SUCLG2: variants seen among roughly 807,000 people sequenced by gnomAD.
SUCLG2 encodes the protein succinate--CoA ligase [GDP-forming] subunit beta, mitochondrial.
SUCLG2 carries 42 observed loss-of-function variants against 47.9 expected under a neutral mutation model. The ratio of observed to expected loss-of-function variants is 0.88; its 90% CI spans 0.69 to 1.14. The LOEUF is 1.14. Ranked by LOEUF, SUCLG2 falls within the 50% of genes most tolerant of loss-of-function variation. The pLI is 0.00. For missense variants in SUCLG2, 571 were observed against 525.9 expected (o/e 1.09, Z -0.84); for synonymous variants, 195 against 197.3 (o/e 0.99, Z 0.10).
chr3:67,389,914 T>C (rs756814356), intron 10 of SUCLG2, among the ~76,000 whole-genome samples: 3 of 152,226 alleles, frequency 2.0e-5, no homozygotes, highest in Non-Finnish European at 4.4e-5. Flanking sequence ...ACACACACCA[T>C]TGTCTAGCTA....
At chr3:67,452,324 C>T (rs939830946) in intron 9 of SUCLG2, among the ~76,000 whole-genome samples, 2 of 152,048 alleles carry the variant, frequency 1.3e-5, no homozygotes, top group East Asian at 3.9e-4. Flanking sequence ...TTGTAAGTTT[C>T]AAGTATTTTC....
chr3:67,620,639 T>C (rs1293123620), intron 1 of SUCLG2, among the ~76,000 whole-genome samples: 3 of 147,584 alleles, frequency 2.0e-5, no homozygotes, highest in Non-Finnish European at 4.5e-5. Flanking sequence ...AGACACATGA[T>C]GAGCTGTGCA....
At chr3:67,467,219 A>G (rs1704495394) in intron 9 of SUCLG2, among the ~76,000 whole-genome samples, 1 of 152,200 alleles carries the variant, frequency 6.6e-6, no homozygotes, top group African/African-American at 2.4e-5. Flanking sequence ...CTAGATACAC[A>G]ATAACTATCC....
At chr3:67,515,113 T>C (rs1358222909) in intron 6 of SUCLG2, among the ~76,000 whole-genome samples, 1 of 152,182 alleles carries the variant, frequency 6.6e-6, no homozygotes, top group Non-Finnish European at 1.5e-5. Flanking sequence ...GTGAGTACAG[T>C]ACAATGAGGT....
At chr3:67,364,240 G>A (rs1701846129) in intron 10 of SUCLG2, among the ~76,000 whole-genome samples, 1 of 152,180 alleles carries the variant, frequency 6.6e-6, no homozygotes, top group Non-Finnish European at 1.5e-5. Flanking sequence ...TATTAGAAAG[G>A]CTGAGTAGAG....
At chr3:67,460,081 A>C (rs1303200205) in intron 9 of SUCLG2, among the ~76,000 whole-genome samples, 2 of 152,174 alleles carry the variant, frequency 1.3e-5, no homozygotes, top group Non-Finnish European at 2.9e-5. Flanking sequence ...CATAGAATTG[A>C]CATTTTGTTG....
At chr3:67,377,368 G>A (rs1702055875) in intron 10 of SUCLG2, among the ~76,000 whole-genome samples, 1 of 152,202 alleles carries the variant, frequency 6.6e-6, no homozygotes, top group South Asian at 2.1e-4. Context: ...TTTGTAAATG[G>A]TGCAGTATCT....
At chr3:67,463,544 T>C (rs1434924320) in intron 9 of SUCLG2, among the ~76,000 whole-genome samples, 2 of 152,238 alleles carry the variant, frequency 1.3e-5, no homozygotes, top group East Asian at 3.8e-4. Flanking sequence ...TATTTTGTTA[T>C]AAATGCTTAC....
chr3:67,629,794 A>T (rs1175385186), intron 1 of SUCLG2, among the ~76,000 whole-genome samples: 1 of 152,198 alleles, frequency 6.6e-6, no homozygotes, highest in Non-Finnish European at 1.5e-5. Context: ...GGAGCTTAAA[A>T]ATAACAAAAG....
chr3:67,508,609 G>A (rs1705703613), intron 7 of SUCLG2, among the ~76,000 whole-genome samples, 198 bp downstream of exon 7: 2 of 152,094 alleles, frequency 1.3e-5, no homozygotes, highest in African/African-American at 4.8e-5. Flanking sequence ...CTTCCTTAGA[G>A]GCTTGGCATT....
chr3:67,480,248 T>C lies in SUCLG2; in HGVS notation c.1062+15550A>G, dbSNP rs118108275. ...TAAAGGGAACCAGTTGGCTTACACC[T>C]GGGAAGGATGCTAAAGTAACTCACA... is the stretch of plus-strand genomic sequence containing the variant. On this transcript the variant is annotated intron_variant, in intron 9 of 10. Transcript: ENST00000307227. Among the ~76,000 whole-genome samples the C allele has an allele frequency of 1.3e-4, 20 of 152,282 alleles. No homozygotes were observed. In the East Asian group the frequency reaches 3.7e-3, roughly 28 times the overall value.
intron 1 of SUCLG2, among the ~76,000 whole-genome samples, chr3:67,616,308 A>G (rs1700627666): frequency 6.6e-6 from 1 of 152,204 alleles, no homozygotes. Context: ...ACATGGTAGC[A>G]CTAATTATTC....
At chr3:67,539,840 T>C (rs1265079052) in intron 2 of SUCLG2, among the ~76,000 whole-genome samples, 6 of 152,220 alleles carry the variant, frequency 3.9e-5, no homozygotes, top group Non-Finnish European at 2.9e-5. Context: ...TTCTAGTTTA[T>C]TTGCACAGAG....
chr3:67,620,177 T>C (rs931600335), intron 1 of SUCLG2, among the ~76,000 whole-genome samples: 1 of 152,192 alleles, frequency 6.6e-6, no homozygotes, highest in Non-Finnish European at 1.5e-5. Flanking sequence ...ACAGACAAGT[T>C]CTTTGTGGTC....
intron 9 of SUCLG2, among the ~76,000 whole-genome samples, chr3:67,404,488 A>G (rs1172546701): frequency 6.6e-6 from 1 of 152,164 alleles, no homozygotes; most frequent in Non-Finnish European, 1.5e-5. Flanking sequence ...ATACTAACAA[A>G]GCAATTGAGA....
At chr3:67,415,020 T>G (rs1703008310) in intron 9 of SUCLG2, among the ~76,000 whole-genome samples, 1 of 152,078 alleles carries the variant, frequency 6.6e-6, no homozygotes, top group Admixed American at 6.6e-5. Flanking sequence ...CCCAGCTAAT[T>G]TTTAAAAAAG....
intron 2 of SUCLG2, among the ~76,000 whole-genome samples, chr3:67,578,469 G>A (rs1218386214): frequency 6.6e-6 from 1 of 151,960 alleles, no homozygotes; most frequent in African/African-American, 2.4e-5. Context: ...GACTTACCTA[G>A]AAAGCAAAAG....
At chr3:67,462,733 C>A (rs1704369739) in intron 9 of SUCLG2, among the ~76,000 whole-genome samples, 1 of 152,144 alleles carries the variant, frequency 6.6e-6, no homozygotes, top group African/African-American at 2.4e-5. Flanking sequence ...CATGGGAAAC[C>A]CAATTTATAG....
chr3:67,473,505 T>G (rs1418915577), intron 9 of SUCLG2, among the ~76,000 whole-genome samples: 1 of 152,166 alleles, frequency 6.6e-6, no homozygotes, highest in Non-Finnish European at 1.5e-5. Context: ...AAAAGGTGTG[T>G]TTTAGAGACT....
Sources: gnomAD v4.1 joint callset for allele counts (sites outside exome capture counted in the v4.1 genomes callset) on GRCh38, gnomAD v4.1.1 for gene constraint, MANE v1.5 for transcripts, NCBI Gene and HGNC (gene_info 2026-07-23, HGNC 2026-07-21) for gene names.